The following CRADD variants were observed in gnomAD, a reference collection of about 807,000 sequenced individuals.
The protein encoded by CRADD is CARD and death domain containing adaptor protein.
In CRADD, 9 loss-of-function variants were observed where a neutral mutation model predicts 15.5. The ratio of observed to expected loss-of-function variants is 0.58; its 90% CI spans 0.35 to 1.01. The LOEUF (loss-of-function observed/expected upper bound fraction) is 1.01. Ranked by LOEUF, CRADD falls within the 50% of genes least tolerant of loss-of-function variation. The pLI is 0.02. For synonymous variants in CRADD, 118 were observed against 107.6 expected (o/e 1.10, Z -0.60); for missense variants, 227 against 250.3 (o/e 0.91, Z 0.63).
At chr12:93,732,476 A>G (rs1424802002) in intron 2 of CRADD, among the ~76,000 whole-genome samples, 3 of 152,216 alleles carry the variant, frequency 2.0e-5, no homozygotes. Context: ...GAAAATGGTT[A>G]GTAATGGGCT....
chr12:93,767,565 T>G (rs1247737107), intron 2 of CRADD, among the ~76,000 whole-genome samples: 1 of 152,212 alleles, frequency 6.6e-6, no homozygotes, highest in Admixed American at 6.5e-5. Context: ...TCACAGCAAC[T>G]GTTTGCAGTA....
chr12:93,792,384 C>A (rs957144322), intron 2 of CRADD, among the ~76,000 whole-genome samples: 3 of 152,164 alleles, frequency 2.0e-5, no homozygotes, highest in South Asian at 2.1e-4. Context: ...ACCTATCTTG[C>A]TGCTTTCTGC....
intron 2 of CRADD, among the ~76,000 whole-genome samples, chr12:93,696,320 A>G (rs1393057134): frequency 6.6e-6 from 1 of 152,252 alleles, no homozygotes; most frequent in African/African-American, 2.4e-5. Context: ...AATAGCCAAG[A>G]TACAGAATCA....
At chr12:93,862,034 A>G (rs1211413218) in intron 2 of CRADD, among the ~76,000 whole-genome samples, 1 of 152,112 alleles carries the variant, frequency 6.6e-6, no homozygotes, top group African/African-American at 2.4e-5. Context: ...CTCCTGCACA[A>G]GCTCTCTTAC....
intron 2 of CRADD, among the ~76,000 whole-genome samples, chr12:93,809,549 C>G (rs1365036560): frequency 6.6e-6 from 1 of 152,150 alleles, no homozygotes; most frequent in Non-Finnish European, 1.5e-5. Context: ...TTCCTTCTGT[C>G]ATGCTATAAT....
intron 2 of CRADD, among the ~76,000 whole-genome samples, chr12:93,695,359 A>G (rs1275411489): frequency 6.6e-6 from 1 of 152,236 alleles, no homozygotes; most frequent in Non-Finnish European, 1.5e-5. Context: ...AAACTACTAG[A>G]AGAAAACCTA....
At chr12:93,894,277 G>A in exon 3 of CRADD, 1 of 558,032 alleles carries the variant, frequency 1.8e-6, no homozygotes, top group South Asian at 1.9e-5. Flanking sequence ...TGGGTGGGCG[G>A]GGGGCAGGGG....
intron 2 of CRADD, among the ~76,000 whole-genome samples, chr12:93,722,157 A>G (rs985575937): frequency 3.3e-5 from 5 of 152,180 alleles, no homozygotes; most frequent in Admixed American, 6.5e-5. Flanking sequence ...TCCACACTAA[A>G]TAGTTCACTC....
At chr12:93,725,151 C>T (rs569640386) in intron 2 of CRADD, among the ~76,000 whole-genome samples, 5 of 152,324 alleles carry the variant, frequency 3.3e-5, no homozygotes, top group South Asian at 2.1e-4. Context: ...TGAGCCACCA[C>T]GCCCGGCCCA....
At chr12:93,683,551 A>G (rs1012433587) in intron 2 of CRADD, among the ~76,000 whole-genome samples, 4 of 152,126 alleles carry the variant, frequency 2.6e-5, no homozygotes, top group Admixed American at 2.0e-4. Flanking sequence ...TGTCCTCCCC[A>G]TAGACTCTGT....
chr12:93,703,508 A>G (rs1460126200), intron 2 of CRADD, among the ~76,000 whole-genome samples: 2 of 151,602 alleles, frequency 1.3e-5, no homozygotes, highest in East Asian at 1.9e-4. Context: ...CTACAGGCGC[A>G]TGCCACCACA....
chr12:93,769,686 A>G (rs765202381), intron 2 of CRADD, among the ~76,000 whole-genome samples: 5 of 152,132 alleles, frequency 3.3e-5, no homozygotes, highest in Admixed American at 3.3e-4. Context: ...TTTTATCCAA[A>G]CTGGTAGGCT....
intron 2 of CRADD, among the ~76,000 whole-genome samples, chr12:93,807,592 T>C (rs1222842205): frequency 1.3e-5 from 2 of 151,850 alleles, no homozygotes; most frequent in African/African-American, 4.8e-5. Flanking sequence ...GTTTGTGAAG[T>C]TGGGGATCAG....
At chr12:93,729,904 A>AT (rs1468735127) in intron 2 of CRADD, among the ~76,000 whole-genome samples, 4 of 152,312 alleles carry the variant, frequency 2.6e-5, no homozygotes, top group African/African-American at 4.8e-5. Flanking sequence ...CCAAAGGGTT[A>AT]TTGCCCATAG....
intron 2 of CRADD, among the ~76,000 whole-genome samples, chr12:93,712,450 G>A (rs1176392505): frequency 2.0e-5 from 3 of 152,088 alleles, no homozygotes; most frequent in East Asian, 1.9e-4. Flanking sequence ...ACAAGTACTC[G>A]TAAAGTCAAT....
At chr12:93,865,842 T>C (rs1385731196) in intron 2 of CRADD, among the ~76,000 whole-genome samples, 1 of 152,242 alleles carries the variant, frequency 6.6e-6, no homozygotes, top group Non-Finnish European at 1.5e-5. Context: ...CAGTATATTT[T>C]TGATTCACAG....
chr12:93,839,787 T>G (rs1958026454), intron 2 of CRADD, among the ~76,000 whole-genome samples: 1 of 152,238 alleles, frequency 6.6e-6, no homozygotes, highest in Non-Finnish European at 1.5e-5. Flanking sequence ...CTGTTGGTTT[T>G]CAGAAACACC....
intron 2 of CRADD, among the ~76,000 whole-genome samples, chr12:93,770,225 A>C (rs1957071229): frequency 6.6e-6 from 1 of 150,484 alleles, no homozygotes; most frequent in South Asian, 2.1e-4. Context: ...CCTCCCGAGT[A>C]GCTGGGACTA....
rs761719331 is a variant in CRADD, at chr12:93,886,162, C to CTTTT, written c.299-7871_299-7868dup. Reference sequence around the variant, plus strand: ...ATGGACATGCCTCTAGCTGCTGATGCTTTTTTTTTTTTTTTTTTTTGAGAC... The same window carrying CTTTT: ...ATGGACATGCCTCTAGCTGCTGATGCTTTTTTTTTTTTTTTTTTTTTTTTGAGAC... On this transcript the variant is annotated intron_variant, in intron 2 of 2. Coordinates refer to the CRADD transcript ENST00000548483. 1.6e-3 allele frequency among the ~76,000 whole-genome samples: 200 copies of CTTTT among 123,922 alleles called. 16 individuals carry two copies. Among genetic ancestry groups the CTTTT allele is most frequent in the African/African-American group, 2.1e-3 (69 of 32,924 alleles). The allele number at this position is 123,922 out of a possible 152,430, so 81.3% of individuals were successfully genotyped here.
Sources: gnomAD v4.1 joint callset for allele counts (sites outside exome capture counted in the v4.1 genomes callset) on GRCh38, gnomAD v4.1.1 for gene constraint, MANE v1.5 for transcripts, NCBI Gene and HGNC (gene_info 2026-07-23, HGNC 2026-07-21) for gene names.